ITCH: variants seen among roughly 807,000 people sequenced by gnomAD.
ITCH encodes the protein itchy E3 ubiquitin protein ligase, also known as E3 ubiquitin-protein ligase Itchy homolog.
ITCH carries 28 observed loss-of-function variants against 126.8 expected under a neutral mutation model. That is an observed-to-expected ratio of 0.22 (90% CI 0.16 to 0.30). ITCH has a LOEUF of 0.30. Ranked by LOEUF, ITCH falls within the 10% of genes least tolerant of loss-of-function variation. ITCH has a pLI of 1.00. For missense variants in ITCH, 631 were observed against 1,032.4 expected (o/e 0.61, Z 5.33); for synonymous variants, 342 against 340.0 (o/e 1.01, Z -0.06).
intron 7 of ITCH, among the ~76,000 whole-genome samples, chr20:34,427,482 C>T (rs987468205): frequency 2.6e-5 from 4 of 151,914 alleles, no homozygotes; most frequent in Admixed American, 1.3e-4. Flanking sequence ...CCTGGTGGCA[C>T]GTGCCTGTAG....
At chr20:34,470,979 T>C (rs1987566589) in intron 15 of ITCH, among the ~76,000 whole-genome samples, 1 of 152,202 alleles carries the variant, frequency 6.6e-6, no homozygotes, top group Non-Finnish European at 1.5e-5. Flanking sequence ...ATAGATGTTA[T>C]ATTCAGTGTT....
chr20:34,506,258 C>T (rs1458070219), intron 24 of ITCH, among the ~76,000 whole-genome samples: 1 of 152,178 alleles, frequency 6.6e-6, no homozygotes, highest in East Asian at 1.9e-4. Flanking sequence ...GAGACAGAGT[C>T]TTACTTTGTT....
intron 6 of ITCH, among the ~76,000 whole-genome samples, chr20:34,415,797 G>T (rs945952909): frequency 6.6e-6 from 1 of 152,004 alleles, no homozygotes; most frequent in African/African-American, 2.4e-5. Flanking sequence ...CCTAAGCTTC[G>T]CCCATAGAAG....
intron 3 of ITCH, among the ~76,000 whole-genome samples, chr20:34,396,658 A>G (rs2038688151): frequency 6.6e-6 from 1 of 151,770 alleles, no homozygotes; most frequent in Non-Finnish European, 1.5e-5. Context: ...ACAGGCATGC[A>G]CCACCCTACC....
chr20:34,457,285 A>G (rs1986096486), intron 12 of ITCH, 105 bp from the exon 13 acceptor site: 2 of 776,914 alleles, frequency 2.6e-6, no homozygotes, highest in Non-Finnish European at 4.5e-6. Flanking sequence ...AAAATAAACA[A>G]TGAAATGAGA....
At chr20:34,447,917 A>G (rs1404007692) in intron 11 of ITCH, among the ~76,000 whole-genome samples, 1 of 152,226 alleles carries the variant, frequency 6.6e-6, no homozygotes, top group Non-Finnish European at 1.5e-5. Flanking sequence ...ACAAGAAGAG[A>G]TAGCAGGGGA....
intron 5 of ITCH, among the ~76,000 whole-genome samples, chr20:34,412,967 C>G (rs1979258197): frequency 6.6e-6 from 1 of 150,508 alleles, no homozygotes; most frequent in Non-Finnish European, 1.5e-5. Flanking sequence ...AGAGACAAAT[C>G]AAATGAATAT....
chr20:34,461,001 G>A (rs1055138138), intron 13 of ITCH, among the ~76,000 whole-genome samples: 1 of 151,998 alleles, frequency 6.6e-6, no homozygotes, highest in African/African-American at 2.4e-5. Context: ...ACCCTGGGCA[G>A]CAGAGTGAGA....
intron 23 of ITCH, among the ~76,000 whole-genome samples, chr20:34,498,053 C>G (rs1402742894): frequency 6.6e-6 from 1 of 152,038 alleles, no homozygotes; most frequent in African/African-American, 2.4e-5. Context: ...GATCGTTCAC[C>G]TCCTTGGTTA....
At chr20:34,404,356 C>T (rs2038981890) in intron 3 of ITCH, among the ~76,000 whole-genome samples, 1 of 151,088 alleles carries the variant, frequency 6.6e-6, no homozygotes, top group African/African-American at 2.4e-5. Context: ...ATAATTTCTC[C>T]TGTCCAGGTT....
At chr20:34,475,140 G>A (rs1460452437) in intron 16 of ITCH, among the ~76,000 whole-genome samples, 5 of 151,188 alleles carry the variant, frequency 3.3e-5, no homozygotes, top group Admixed American at 1.3e-4. Flanking sequence ...ATGGGATGGC[G>A]GCCGGGCAGA....
At chr20:34,454,233 G>T (rs1259352425) in intron 12 of ITCH, among the ~76,000 whole-genome samples, 1 of 150,578 alleles carries the variant, frequency 6.6e-6, no homozygotes, top group Non-Finnish European at 1.5e-5. Flanking sequence ...CGCCTCCCGG[G>T]TTCACGCCAT....
chr20:34,479,430 A>G (rs1455382663), intron 17 of ITCH, among the ~76,000 whole-genome samples, 200 bp from the exon 18 acceptor site: 1 of 152,242 alleles, frequency 6.6e-6, no homozygotes, highest in Non-Finnish European at 1.5e-5. Context: ...TAATGTATAT[A>G]TTACCATCTA....
chr20:34,385,331 G>A (rs1344236966), intron 2 of ITCH, among the ~76,000 whole-genome samples: 3 of 150,792 alleles, frequency 2.0e-5, no homozygotes, highest in Non-Finnish European at 2.9e-5. Context: ...GCAAAGTGCT[G>A]GGATTACAGG....
chr20:34,447,218 T>TC (rs1008153697), intron 11 of ITCH, among the ~76,000 whole-genome samples: 4 of 151,404 alleles, frequency 2.6e-5, no homozygotes, highest in Admixed American at 2.6e-4. Flanking sequence ...CATCATCCTG[T>TC]CCCCCCGCCC....
chr20:34,475,158 C>T (rs1600440516), intron 16 of ITCH, among the ~76,000 whole-genome samples: 1 of 151,230 alleles, frequency 6.6e-6, no homozygotes, highest in East Asian at 2.0e-4. Context: ...AGAGACGCTC[C>T]TCACTTTCCA....
intron 17 of ITCH, among the ~76,000 whole-genome samples, chr20:34,478,268 G>A (rs537564031): frequency 6.6e-6 from 1 of 152,248 alleles, no homozygotes; most frequent in South Asian, 2.1e-4. Flanking sequence ...ATAGTGATCA[G>A]GTCATTTTCC....
chr20:34,412,599 A>G lies in ITCH; in HGVS notation c.297A>G (p.Ala99=), dbSNP rs137925915. ...LKSDVLLGTA[A]LDIYETLKSN... ...CTGATGTTTTGTTGGGAACTGCTGC[A>G]TTAGATATTTATGAAACATTAAAGT... is the stretch of plus-strand genomic sequence containing the variant. The change falls in exon 5 of 25, where the codon GCA becomes GCG. Residue 99 remains alanine, a synonymous_variant. Coordinates refer to ENST00000374864, the MANE Select transcript of ITCH (RefSeq NM_031483.7). The G allele has an allele frequency of 3.1e-6, 5 of 1,605,158 alleles. No homozygotes were observed. Among genetic ancestry groups the G allele is most frequent in the African/African-American group, 2.7e-5 (2 of 74,694 alleles).
chr20:34,492,476 A>T (rs779341925), intron 22 of ITCH, 25 bp from the exon 23 acceptor site: 1 of 1,250,096 alleles, frequency 8.0e-7, no homozygotes, highest in South Asian at 1.2e-5. Flanking sequence ...TGACATATAT[A>T]TCTCTTTAAA....
Sources: allele counts gnomAD v4.1 joint callset (sites outside exome capture counted in the v4.1 genomes callset), GRCh38; gene constraint gnomAD v4.1.1; transcripts MANE v1.5; gene names NCBI Gene and HGNC (gene_info 2026-07-23, HGNC 2026-07-21).